The following PPP2R2B variants were observed in gnomAD, a reference collection of about 807,000 sequenced individuals.
PPP2R2B encodes serine/threonine-protein phosphatase 2A 55 kDa regulatory subunit B beta isoform.
In PPP2R2B, 5 loss-of-function variants were observed where a neutral mutation model predicts 46.0. That is an observed-to-expected ratio of 0.11 (90% confidence interval 0.06 to 0.23). The LOEUF (loss-of-function observed/expected upper bound fraction) is 0.23, where lower values mean the gene tolerates loss of function less well. Ranked by LOEUF, PPP2R2B falls within the 10% of genes least tolerant of loss-of-function variation. PPP2R2B has a pLI of 1.00. For missense variants in PPP2R2B, 367 were observed against 575.0 expected (o/e 0.64, Z 3.70); for synonymous variants, 215 against 206.7 (o/e 1.04, Z -0.34).
At chr5:146,788,520 C>T (rs1300866291) in intron 2 of PPP2R2B, among the ~76,000 whole-genome samples, 2 of 152,128 alleles carry the variant, frequency 1.3e-5, no homozygotes, top group Non-Finnish European at 2.9e-5. Flanking sequence ...CACCTGAGGC[C>T]AGGAGTTCAA....
chr5:147,033,526 T>G (rs1462665286), intron 1 of PPP2R2B, among the ~76,000 whole-genome samples: 1 of 152,174 alleles, frequency 6.6e-6, no homozygotes, highest in African/African-American at 2.4e-5. Flanking sequence ...TACTCATAGC[T>G]AGATTGTACT....
intron 1 of PPP2R2B, among the ~76,000 whole-genome samples, chr5:146,977,403 T>C (rs530183692): frequency 6.2e-4 from 94 of 152,142 alleles, no homozygotes; most frequent in Admixed American, 1.2e-3. Flanking sequence ...TACTTTAAGT[T>C]CCGGGATACA....
At chr5:146,682,943 A>AT (rs1778270034) in intron 5 of PPP2R2B, among the ~76,000 whole-genome samples, 1 of 152,178 alleles carries the variant, frequency 6.6e-6, no homozygotes, top group South Asian at 2.1e-4. Flanking sequence ...AAAGGAAGGG[A>AT]TTTTAAAAAT....
At chr5:146,626,806 A>G (rs899565498) in intron 7 of PPP2R2B, among the ~76,000 whole-genome samples, 1 of 152,182 alleles carries the variant, frequency 6.6e-6, no homozygotes, top group Admixed American at 6.5e-5. Context: ...ACCCCAAGTG[A>G]GGGAGAGGGC....
chr5:146,638,173 A>T, intron 7 of PPP2R2B, 78 bp downstream of exon 7: 2 of 1,458,512 alleles, frequency 1.4e-6, no homozygotes, highest in Non-Finnish European at 9.3e-7. Context: ...AGAAAGGGAG[A>T]TCATAAGCTT....
chr5:146,959,553 G>A (rs2151840843), intron 1 of PPP2R2B, among the ~76,000 whole-genome samples: 1 of 152,274 alleles, frequency 6.6e-6, no homozygotes, highest in Admixed American at 6.5e-5. Context: ...ATAAATGCAT[G>A]CACTGTGGTG....
chr5:146,771,884 C>G (rs1376518260), intron 2 of PPP2R2B, among the ~76,000 whole-genome samples: 1 of 152,118 alleles, frequency 6.6e-6, no homozygotes, highest in Non-Finnish European at 1.5e-5. Flanking sequence ...TTTTCACTTG[C>G]AGGAGAAGAG....
At chr5:147,012,481 T>C (rs1040647155) in intron 1 of PPP2R2B, among the ~76,000 whole-genome samples, 1 of 152,172 alleles carries the variant, frequency 6.6e-6, no homozygotes, top group Admixed American at 6.5e-5. Flanking sequence ...TTTTCTTTAT[T>C]AGTCTTGCTA....
In PPP2R2B at chr5:146,865,511, G is replaced by A. The variant is rs970450719; in HGVS notation, c.70+12491C>T. Among the ~76,000 whole-genome samples, 7 of 152,130 alleles carry A rather than the reference G, an allele frequency of 4.6e-5. No homozygotes were observed. The East Asian group carries it at 5.8e-4, about 13-fold the overall frequency. ...TAACAGGTTTCATATTCATATTCAC[G>A]TGTGTTTTTTAACGTATATATTCCC... is the stretch of plus-strand genomic sequence containing the variant. On this transcript the variant is annotated intron_variant, in intron 2 of 9. Coordinates refer to ENST00000394411, the MANE Select transcript of PPP2R2B (RefSeq NM_181675.4).
In PPP2R2B at chr5:146,588,132, T is replaced by C. The variant is rs1361511467; in HGVS notation, c.*1815A>G. ...CAGAGAGTTTACACCTTAGCCACTT[T>C]ACTTGAGATGCCTAAGGCGAGGCTT... On this transcript the variant is annotated 3_prime_UTR_variant, in exon 10 of 10. Transcript: ENST00000394411. The C allele has an allele frequency of 6.6e-6, 1 of 152,138 alleles. No homozygotes were observed. The highest frequency in any genetic ancestry group is 6.5e-5 in the Admixed American group (1 of 15,278). The allele number at this position is 152,138 out of a possible 1,614,324, so 9.4% of individuals were successfully genotyped here.
intron 2 of PPP2R2B, among the ~76,000 whole-genome samples, chr5:146,753,652 A>C (rs567730987): frequency 2.6e-5 from 4 of 152,220 alleles, no homozygotes; most frequent in African/African-American, 9.6e-5. Flanking sequence ...AACTAAAGAT[A>C]AGTGAGAAGT....
intron 2 of PPP2R2B, among the ~76,000 whole-genome samples, chr5:146,710,724 C>T (rs543341755): frequency 3.9e-5 from 6 of 152,324 alleles, no homozygotes; most frequent in South Asian, 2.1e-4. Context: ...ATCTATTATC[C>T]GCACAACATG....
intron 2 of PPP2R2B, among the ~76,000 whole-genome samples, chr5:146,740,171 A>C (rs913642382): frequency 6.6e-5 from 10 of 152,236 alleles, no homozygotes; most frequent in African/African-American, 2.4e-4. Context: ...TTCTCACCAA[A>C]GGTAGAAAAA....
chr5:146,638,394 G>T lies in PPP2R2B; in HGVS notation c.647C>A (p.Ala216Asp). ...CACCTCCGTGAGCTCCTCCATGTTG[G>T]CTGGCTTAATGTCCACAATATCTGG... ...QSFNIVDIKP[A>D]NMEELTEVIT... The change falls in exon 7 of 10, where the codon GCC becomes GAC. Residue 216 changes from alanine to aspartate, a missense_variant. Ala to Asp is a moderately radical substitution (Grantham distance 126, BLOSUM62 -2). This residue lies in a region of PPP2R2B where 361 missense variants were observed against 545.5 expected (regional missense o/e 0.66). Coordinates refer to ENST00000394411, the MANE Select transcript of PPP2R2B (RefSeq NM_181675.4). The T allele has an allele frequency of 6.2e-7, 1 of 1,610,954 alleles. No homozygotes were observed. The highest frequency in any genetic ancestry group is 8.5e-7 in the Non-Finnish European group (1 of 1,177,544).
In PPP2R2B at chr5:147,077,302, ACACACACACC is replaced by A. The variant is rs763772376; in HGVS notation, c.50+3747_50+3756del. ...CACACACACACACACACACACACAC[ACACACACACC>A]CACACCCACACCCCTAGCCCTTATA... is the stretch of plus-strand genomic sequence containing the variant. On this transcript the variant is annotated intron_variant, in intron 2 of 10. Transcript: ENST00000394413. 2.1e-3 allele frequency among the ~76,000 whole-genome samples: 311 copies of A among 147,216 alleles called. 1 individual carries two copies. Among genetic ancestry groups the A allele is most frequent in the Middle Eastern group, 0.014 (4 of 280 alleles).
chr5:146,844,904 C>T (rs999569097), intron 2 of PPP2R2B, among the ~76,000 whole-genome samples: 1 of 152,190 alleles, frequency 6.6e-6, no homozygotes, highest in African/African-American at 2.4e-5. Flanking sequence ...AGGCAGTCTT[C>T]CTAATCAAGA....
chr5:147,052,484 AG>A (rs762532019), intron 1 of PPP2R2B, among the ~76,000 whole-genome samples: 2 of 152,202 alleles, frequency 1.3e-5, no homozygotes, highest in Non-Finnish European at 2.9e-5. Flanking sequence ...AGTGCTTTGA[AG>A]TAAGAAACCC....
At chr5:146,814,034 T>C (rs1757785080) in intron 2 of PPP2R2B, among the ~76,000 whole-genome samples, 1 of 152,298 alleles carries the variant, frequency 6.6e-6, no homozygotes, top group East Asian at 1.9e-4. Context: ...CAGTGGATTG[T>C]GGCAGTTAAA....
rs1401219621 is a variant in PPP2R2B at position 146,586,357 on chromosome 5, C to G, written c.*3590G>C. ...CCTAAATCCTCATTATGAGGCCTAC[C>G]AGGGCTTTCTTGAGCCCTGCAGGCA... On this transcript the variant is annotated 3_prime_UTR_variant, in exon 10 of 10. Transcript: ENST00000394411. 2 of 152,294 alleles carry G rather than the reference C, an allele frequency of 1.3e-5. No homozygotes were observed. Among genetic ancestry groups the G allele is most frequent in the East Asian group, 3.9e-4 (2 of 5,184 alleles). The allele number at this position is 152,294 out of a possible 1,614,324, so 9.4% of individuals were successfully genotyped here. A position where few individuals can be genotyped will look rare whatever the true frequency, so the allele number is the denominator to read the frequency against.
Sources: gnomAD v4.1 joint callset for allele counts (sites outside exome capture counted in the v4.1 genomes callset) on GRCh38, gnomAD v4.1.1 for gene constraint, gnomAD v4.1.1 regional missense constraint, MANE v1.5 for transcripts, NCBI Gene and HGNC (gene_info 2026-07-23, HGNC 2026-07-21) for gene names.